The following LARS1 variants were observed in gnomAD, a reference collection of about 807,000 sequenced individuals.
LARS1 encodes leucyl-tRNA synthetase 1.
LARS1 carries 100 observed loss-of-function variants against 162.8 expected under a neutral mutation model. The ratio of observed to expected loss-of-function variants is 0.61; its 90% confidence interval spans 0.52 to 0.73. The LOEUF is 0.73. Among genes scored for constraint, LARS1 ranks in the 30% least tolerant of loss-of-function variants. The pLI is 0.00. For missense variants in LARS1, 1,258 were observed against 1,408.9 expected, an observed-to-expected ratio of 0.89 and a Z score of 1.71; for synonymous variants, 457 against 462.8, an observed-to-expected ratio of 0.99 and a Z score of 0.16.
At position 146,114,113 on chromosome 5, in the gene LARS1, A is replaced by G; in HGVS notation, c.3524T>C (p.Val1175Ala). The change falls in exon 32 of 32, where the codon GTT (valine) becomes GCT (alanine). Residue 1175 changes from valine to alanine, a missense_variant. Transcript: ENST00000394434. Reference protein sequence around the residue: ...VDIGDTIIYLVH With the variant: ...VDIGDTIIYLAH ...TCTCCAATGTGCATGAGTTTAATGA[A>G]CCAGATAGATTATTGTATCGCCAAT... is the stretch of plus-strand genomic sequence containing the variant. 1.2e-6 allele frequency: 2 copies of G among 1,611,726 alleles called. No individual in the cohort carries two copies. The highest frequency in any genetic ancestry group is 1.7e-6 in the Non-Finnish European group (2 of 1,178,456).
Position 146,157,343 on chromosome 5 carries a change from A to AT in LARS1, c.1065+59dup, listed in dbSNP as rs1753575148. ...TTGTAATGCTCTTTTCTCAATATTC[A>AT]TTGTTGAAATTTTCCTTGAAATTTA... is the stretch of plus-strand genomic sequence containing the variant. On this transcript the variant is annotated intron_variant, in intron 10 of 31. Coordinates refer to ENST00000394434, the MANE Select transcript of LARS1 (RefSeq NM_020117.11). The AT allele has an allele frequency of 6.4e-6, 9 of 1,396,662 alleles. No homozygotes were observed. The South Asian group carries it at 1.0e-4, about 16-fold the overall frequency. 86.5% of individuals were successfully genotyped at this position (1,396,662 alleles called of 1,614,324 possible).
intron 21 of LARS1, among the ~76,000 whole-genome samples, chr5:146,139,335 T>G (rs1581032883): frequency 7.1e-6 from 1 of 140,428 alleles, no homozygotes; most frequent in Non-Finnish European, 1.5e-5. Context: ...AGAGTGAGAT[T>G]CCATCACAAC....
chr5:146,116,731 G>GTGAT (rs1183976601), intron 31 of LARS1, among the ~76,000 whole-genome samples: 1 of 152,206 alleles, frequency 6.6e-6, no homozygotes, highest in African/African-American at 2.4e-5. Flanking sequence ...TGGGTTGTGA[G>GTGAT]TGATTCAAAT....
intron 4 of LARS1, among the ~76,000 whole-genome samples, chr5:146,170,101 A>G (rs1296611805): frequency 3.3e-5 from 5 of 152,176 alleles, no homozygotes; most frequent in Non-Finnish European, 7.4e-5. Flanking sequence ...AAAAACATCA[A>G]TATCACGACA....
chr5:146,180,029 T>C (rs33914983), intron 1 of LARS1, among the ~76,000 whole-genome samples: 33,918 of 152,234 alleles, frequency 0.22, 4,844 homozygotes, highest in Admixed American at 0.34. Flanking sequence ...ACTTTTAAAT[T>C]GTTTATAGTC....
At chr5:146,155,679 G>A (rs758542871) in intron 10 of LARS1, among the ~76,000 whole-genome samples, 1 of 152,098 alleles carries the variant, frequency 6.6e-6, no homozygotes, top group Non-Finnish European at 1.5e-5. Flanking sequence ...CAGTCATATG[G>A]ATGACAGCTA....
intron 1 of LARS1, chr5:146,182,230 C>G (rs1754903624): frequency 1.9e-6 from 1 of 535,918 alleles, no homozygotes; most frequent in Admixed American, 3.1e-5. Flanking sequence ...CGTGGGCCAC[C>G]GTGCCCGGCT....
At chr5:146,133,692 CAAAAA>C (rs55993097) in intron 22 of LARS1, among the ~76,000 whole-genome samples, 1 of 112,312 alleles carries the variant, frequency 8.9e-6, no homozygotes, top group Non-Finnish European at 1.7e-5. Context: ...TATAGGGTTG[CAAAAA>C]AAAAAAAAAA....
chr5:146,176,076 C>G (rs1041169239), intron 2 of LARS1, among the ~76,000 whole-genome samples: 1 of 151,848 alleles, frequency 6.6e-6, no homozygotes, highest in Non-Finnish European at 1.5e-5. Context: ...TGCTTGAGCT[C>G]GGGAGTTTGA....
rs567136226 is a variant in LARS1, at chr5:146,114,274, T to G, written c.3363A>C (p.Pro1121=). The stretch of plus-strand genomic sequence containing the variant: ...CAGGAACTCGTCGAGGCCCCAACAG[T>G]GGATCATCAAATCTCATCAGTTTCA... ...SKVKLMRFDD[P]LLGPRRVPVL... The change falls in exon 32 of 32, where the codon CCA becomes CCC. Residue 1121 remains proline, a synonymous_variant. Coordinates refer to ENST00000394434, the MANE Select transcript of LARS1 (RefSeq NM_020117.11). 1.2e-5 allele frequency: 19 copies of G among 1,613,896 alleles called. No individual in the cohort carries two copies. The South Asian group carries it at 2.1e-4, about 18-fold the overall frequency.
intron 21 of LARS1, among the ~76,000 whole-genome samples, chr5:146,137,572 C>G (rs1038243087): frequency 2.6e-5 from 4 of 152,150 alleles, no homozygotes; most frequent in African/African-American, 9.7e-5. Context: ...TGGGAAGGAG[C>G]ATTACGTGAC....
At chr5:146,173,880 G>A (rs1223983552) in intron 2 of LARS1, among the ~76,000 whole-genome samples, 1 of 151,812 alleles carries the variant, frequency 6.6e-6, no homozygotes, top group Non-Finnish European at 1.5e-5. Flanking sequence ...TCGCTCACTT[G>A]TGAGTTTCAT....
chr5:146,115,311 C>T (rs933318568), intron 31 of LARS1, among the ~76,000 whole-genome samples: 1 of 151,914 alleles, frequency 6.6e-6, no homozygotes, highest in African/African-American at 2.4e-5. Flanking sequence ...CTGGAATACA[C>T]TAAACTTGCA....
At chr5:146,148,383 T>C (rs1467967775) in intron 15 of LARS1, among the ~76,000 whole-genome samples, 1 of 152,172 alleles carries the variant, frequency 6.6e-6, no homozygotes, top group South Asian at 2.1e-4. Context: ...GTGTTTGAAC[T>C]GAGTAAGAAA....
At chr5:146,152,752 G>A (rs1487365884) in intron 13 of LARS1, among the ~76,000 whole-genome samples, 1 of 152,118 alleles carries the variant, frequency 6.6e-6, no homozygotes, top group Non-Finnish European at 1.5e-5. Flanking sequence ...TCATTTGCTA[G>A]TAATTTAAAA....
At chr5:146,124,570 A>G (rs1263055126) in intron 28 of LARS1, among the ~76,000 whole-genome samples, 1 of 151,928 alleles carries the variant, frequency 6.6e-6, no homozygotes, top group African/African-American at 2.4e-5. Flanking sequence ...ATTTCTGCAA[A>G]GTTTAAAGAA....
chr5:146,180,320 G>A (rs990937289), intron 1 of LARS1, among the ~76,000 whole-genome samples: 14 of 152,090 alleles, frequency 9.2e-5, no homozygotes, highest in African/African-American at 3.4e-4. Flanking sequence ...ATCACTTGAG[G>A]TCAGGCGTTC....
chr5:146,131,134 T>A, intron 23 of LARS1, 25 bp from the exon 24 acceptor site: 1 of 1,280,370 alleles, frequency 7.8e-7, no homozygotes, highest in Non-Finnish European at 1.1e-6. Flanking sequence ...GAAAAAAAGG[T>A]TATTGAGTTT....
At chr5:146,167,868 T>C (rs2126568587) in intron 5 of LARS1, among the ~76,000 whole-genome samples, 1 of 151,572 alleles carries the variant, frequency 6.6e-6, no homozygotes, top group South Asian at 2.1e-4. Flanking sequence ...GTATTTTTAG[T>C]AGAGACGGGG....
Sources: allele counts gnomAD v4.1 joint callset (sites outside exome capture counted in the v4.1 genomes callset), GRCh38; gene constraint gnomAD v4.1.1; transcripts MANE v1.5; gene names NCBI Gene and HGNC (gene_info 2026-07-23, HGNC 2026-07-21).